THNSL1: variants seen among roughly 807,000 people sequenced by gnomAD.
THNSL1 encodes threonine synthase-like 1.
A neutral mutation model predicts 50.4 loss-of-function variants in THNSL1; 48 were observed. The observed-to-expected ratio is 0.95, with a 90% CI of 0.76 to 1.21. THNSL1 has a LOEUF of 1.21. Among genes scored for constraint, THNSL1 ranks in the 50% most tolerant of loss-of-function variants. The probability of loss-of-function intolerance (pLI) is 0.00; values close to 1 mark genes in which losing one functional copy is unlikely to be tolerated. For missense variants in THNSL1, 896 were observed against 871.7 expected (o/e 1.03, Z -0.35); for synonymous variants, 309 against 306.1 (o/e 1.01, Z -0.10).
chr10:25,020,916 T>G (rs922431927), intron 1 of THNSL1, among the ~76,000 whole-genome samples: 5 of 152,210 alleles, frequency 3.3e-5, no homozygotes, highest in Non-Finnish European at 5.9e-5. Flanking sequence ...GTAAGTGCCC[T>G]AAAAGCAGTT....
chr10:25,011,814 A>G (rs1850451991), upstream of THNSL1, among the ~76,000 whole-genome samples: 1 of 152,240 alleles, frequency 6.6e-6, no homozygotes, highest in African/African-American at 2.4e-5. Context: ...AGAAAAACCA[A>G]TTTTCTGAGG....
At position 25,024,773 on chromosome 10, in the gene THNSL1, C is replaced by T. The variant is rs1182613524; in HGVS notation, c.1550C>T (p.Ala517Val). The stretch of plus-strand genomic sequence containing the variant: ...GGAAACTTTGGTAACATTTTAGCAG[C>T]AGTGTATGCCAAAATGATGGGAATC... Reference protein sequence around the residue: ...PTGNFGNILAAVYAKMMGIPI... With the variant: ...PTGNFGNILAVVYAKMMGIPI... Residue 517 changes from alanine (A) to valine (V), a missense_variant, in exon 3 of 3, where the codon GCA becomes GTA. Physicochemically the swap from Ala to Val is moderately conservative, Grantham distance 64 (BLOSUM62 0). Coordinates refer to ENST00000376356, the MANE Select transcript of THNSL1 (RefSeq NM_024838.5). The T allele has an allele frequency of 1.9e-6, 3 of 1,614,054 alleles. No homozygotes were observed. In the African/African-American group the frequency reaches 4.0e-5, roughly 22 times the overall value.
the THNSL1 span, among the ~76,000 whole-genome samples, chr10:24,971,273 A>T: frequency 4.6e-5 from 7 of 151,142 alleles, no homozygotes; most frequent in East Asian, 3.9e-4. Flanking sequence ...TAATTTTTTT[A>T]AAATTATTTT....
chr10:25,016,979 C>T (rs1201200548), intron 1 of THNSL1, among the ~76,000 whole-genome samples: 1 of 152,168 alleles, frequency 6.6e-6, no homozygotes, highest in Non-Finnish European at 1.5e-5. Context: ...TGTGTGAGTG[C>T]GCGCACGGGG....
the THNSL1 span, among the ~76,000 whole-genome samples, chr10:24,986,886 T>C: frequency 6.6e-6 from 1 of 152,252 alleles, no homozygotes; most frequent in African/African-American, 2.4e-5. Context: ...TTGTTAATTC[T>C]TAATTTTCCT....
the THNSL1 span, among the ~76,000 whole-genome samples, chr10:24,988,646 T>G: frequency 1.2e-5 from 1 of 86,308 alleles, no homozygotes; most frequent in Non-Finnish European, 2.2e-5. Context: ...CCTGAAAATG[T>G]AGAGTGACAC....
the THNSL1 span, among the ~76,000 whole-genome samples, chr10:25,001,660 T>C: frequency 0.026 from 3,991 of 152,280 alleles, 74 homozygotes; most frequent in South Asian, 0.058. Flanking sequence ...ATCCAATCTA[T>C]TACATGTAGC....
the THNSL1 span, among the ~76,000 whole-genome samples, chr10:24,960,701 C>G: frequency 2.0e-5 from 3 of 152,012 alleles, no homozygotes; most frequent in African/African-American, 7.2e-5. Flanking sequence ...TGCACCCTCA[C>G]CACGCCTAAT....
At chr10:24,952,590 A>ACGCGGGAAGGGAAGACGG in the THNSL1 span, 534 of 1,491,632 alleles carry the variant, frequency 3.6e-4, 1 homozygote, top group African/African-American at 7.2e-3. This position sits in a 1 kb window ranked among gnomAD's most constrained non-coding sequence, Gnocchi z 5.1. Flanking sequence ...CTCCCGGGGA[A>ACGCGGGAAGGGAAGACGG]CGCGGGAAGG....
the THNSL1 span, among the ~76,000 whole-genome samples, chr10:24,997,723 C>G: frequency 4.7e-4 from 72 of 151,772 alleles, no homozygotes; most frequent in Non-Finnish European, 6.6e-4. Flanking sequence ...TTCTAAAGGC[C>G]AATGAAATTT....
chr10:25,020,600 C>T (rs1194217434), intron 1 of THNSL1, among the ~76,000 whole-genome samples: 1 of 151,938 alleles, frequency 6.6e-6, no homozygotes, highest in Non-Finnish European at 1.5e-5. Context: ...AACCCTGTCT[C>T]TAGAAAACCT....
rs1438183902 is a variant in THNSL1, at chr10:25,023,869, G to A, written c.646G>A (p.Val216Met). 3.1e-6 allele frequency: 5 copies of A among 1,614,086 alleles called. No individual in the cohort carries two copies. In the Admixed American group the frequency reaches 5.0e-5, roughly 16 times the overall value. The change falls in exon 3 of 3, where the codon GTG (valine) becomes ATG (methionine). Residue 216 changes from valine (V) to methionine (M), a missense_variant. Val to Met is a conservative substitution (Grantham distance 21, BLOSUM62 1). Transcript: ENST00000376356. ...TTCCCCAGAGGAGGTAGCTGACAAA[G>A]TGCTGAATGCAATTAAAAGATACCA... ...GASPEEVADK[V>M]LNAIKRYQDV...
chr10:25,018,595 T>G (rs1398929077), intron 1 of THNSL1, among the ~76,000 whole-genome samples: 1 of 151,712 alleles, frequency 6.6e-6, no homozygotes, highest in African/African-American at 2.4e-5. Context: ...GATTGTAGTT[T>G]GCACAGATCC....
At chr10:24,964,388 G>A in the THNSL1 span, among the ~76,000 whole-genome samples, 4 of 152,184 alleles carry the variant, frequency 2.6e-5, no homozygotes, top group African/African-American at 7.2e-5. Context: ...AAGTTTGTGT[G>A]TGTGGGTTCT....
At chr10:25,016,147 G>A, upstream of THNSL1, 1 of 1,221,056 alleles carries the variant, frequency 8.2e-7, no homozygotes, top group South Asian at 3.4e-5. Flanking sequence ...ATTGCTAAGC[G>A]TCGTTGACTG....
chr10:24,973,552 T>C, the THNSL1 span, among the ~76,000 whole-genome samples: 2 of 152,104 alleles, frequency 1.3e-5, no homozygotes, highest in Admixed American at 6.6e-5. Context: ...AAACCACAGA[T>C]ACAGGAGGAC....
chr10:24,998,518 G>A, the THNSL1 span, among the ~76,000 whole-genome samples: 1 of 151,976 alleles, frequency 6.6e-6, no homozygotes, highest in South Asian at 2.1e-4. Context: ...AAGACTACAG[G>A]TGCATGCCAT....
chr10:25,011,654 A>T (rs1003052956), upstream of THNSL1, among the ~76,000 whole-genome samples: 7 of 152,226 alleles, frequency 4.6e-5, no homozygotes, highest in Non-Finnish European at 1.0e-4. Flanking sequence ...AGGCATTACC[A>T]TTCAGGATAT....
the THNSL1 span, chr10:24,995,619 C>G: frequency 6.4e-7 from 1 of 1,553,898 alleles, no homozygotes; most frequent in Non-Finnish European, 8.8e-7. Context: ...GAATTTCAGC[C>G]CTCTTATTAA....
Sources: allele counts gnomAD v4.1 joint callset (sites outside exome capture counted in the v4.1 genomes callset), GRCh38; gene constraint gnomAD v4.1.1; non-coding constraint Gnocchi (gnomAD v3.1); transcripts MANE v1.5; gene names NCBI Gene and HGNC (gene_info 2026-07-23, HGNC 2026-07-21).